The following NEK11 variants were observed in gnomAD, a reference collection of about 807,000 sequenced individuals.
The protein encoded by NEK11 is serine/threonine-protein kinase Nek11.
A neutral mutation model predicts 80.7 loss-of-function variants in NEK11; 72 were observed. The ratio of observed to expected loss-of-function variants is 0.89; its 90% CI spans 0.74 to 1.08. The LOEUF is 1.08. NEK11 is among the 50% of genes least tolerant of loss of function. The probability of loss-of-function intolerance (pLI) is 0.00; values close to 1 mark genes in which losing one functional copy is unlikely to be tolerated. For synonymous variants in NEK11, 251 were observed against 260.7 expected (o/e 0.96, Z 0.36); for missense variants, 764 against 763.6 (o/e 1.00, Z -0.01).
At chr3:131,323,543 A>G (rs1043891814) in intron 17 of NEK11, among the ~76,000 whole-genome samples, 1 of 152,158 alleles carries the variant, frequency 6.6e-6, no homozygotes, top group African/African-American at 2.4e-5. Context: ...ATTTCCGGCC[A>G]GTGTTCTATA....
rs764113303 is a variant in NEK11 at position 131,238,703 on chromosome 3, A to G, written c.1561-4733A>G. On this transcript the variant is annotated intron_variant, in intron 15 of 17. Transcript: ENST00000383366. ...AGTGCTTCACAGAGAGGGAACAGAG[A>G]GTGAGGGAAAGCTCCAGGTCATGAA... Among the ~76,000 whole-genome samples the G allele has an allele frequency of 3.9e-5, 6 of 152,250 alleles. No homozygotes were observed. The South Asian group carries it at 1.2e-3, about 32-fold the overall frequency.
intron 14 of NEK11, among the ~76,000 whole-genome samples, chr3:131,198,154 T>C (rs1288410919): frequency 6.6e-6 from 1 of 152,178 alleles, no homozygotes; most frequent in Admixed American, 6.5e-5. Context: ...TTTTGCCAGC[T>C]GAGCACTAGT....
chr3:131,202,116 C>T (rs2094256927), intron 14 of NEK11, among the ~76,000 whole-genome samples: 1 of 152,104 alleles, frequency 6.6e-6, no homozygotes, highest in South Asian at 2.1e-4. Context: ...TAGTGTGAGC[C>T]AAGGGTCCAT....
At chr3:131,094,860 G>A (rs1428688472) in intron 4 of NEK11, among the ~76,000 whole-genome samples, 13 of 152,144 alleles carry the variant, frequency 8.5e-5, no homozygotes, top group Non-Finnish European at 1.9e-4. Flanking sequence ...AGGAATTTTA[G>A]AACAGACAGC....
chr3:131,231,891 T>C (rs2095337250), intron 15 of NEK11, among the ~76,000 whole-genome samples: 1 of 152,104 alleles, frequency 6.6e-6, no homozygotes, highest in African/African-American at 2.4e-5. Flanking sequence ...AGATCAAAGT[T>C]GATTCCCCTT....
chr3:131,136,444 A>G (rs964445950), intron 7 of NEK11, among the ~76,000 whole-genome samples: 2 of 152,118 alleles, frequency 1.3e-5, no homozygotes, highest in African/African-American at 4.8e-5. Context: ...TTTATTGTGG[A>G]ATTTTTTTTT....
At chr3:131,053,640 A>T (rs1320467656) in intron 3 of NEK11, 2 of 152,226 alleles carry the variant, frequency 1.3e-5, no homozygotes, top group African/African-American at 4.8e-5. Flanking sequence ...AAGCATCTGA[A>T]GCAGCCACCG....
chr3:131,084,984 A>G (rs540545438), intron 4 of NEK11, among the ~76,000 whole-genome samples: 1 of 152,342 alleles, frequency 6.6e-6, no homozygotes, highest in South Asian at 2.1e-4. Context: ...AAAATTTGTC[A>G]TTATTGGTGG....
At chr3:131,129,497 T>G (rs1190215842) in intron 5 of NEK11, among the ~76,000 whole-genome samples, 1 of 152,272 alleles carries the variant, frequency 6.6e-6, no homozygotes, top group African/African-American at 2.4e-5. Context: ...GGATTGTGAC[T>G]TTGGTGTTAT....
rs757961308 is a variant in NEK11 at position 131,029,747 on chromosome 3, A to T, written c.39A>T (p.Gly13=). Residue 13 remains glycine (G), a synonymous_variant, in exon 3 of 18, where the codon GGA becomes GGT. Coordinates refer to ENST00000383366, the MANE Select transcript of NEK11 (RefSeq NM_024800.5). ...KFQEAAKCVS[G]STAISTYPKT... The stretch of plus-strand genomic sequence containing the variant: ...AAGAGGCAGCTAAGTGTGTGAGTGG[A>T]TCAACAGCCATTTCCACTTATCCAA... 1.9e-6 allele frequency: 3 copies of T among 1,614,208 alleles called. No individual in the cohort carries two copies. The highest frequency in any genetic ancestry group is 2.5e-6 in the Non-Finnish European group (3 of 1,180,018).
At chr3:131,268,754 C>G (rs760306289) in intron 16 of NEK11, among the ~76,000 whole-genome samples, 29 of 152,218 alleles carry the variant, frequency 1.9e-4, no homozygotes, top group Non-Finnish European at 4.0e-4. Context: ...GTCAGGGACC[C>G]ACTTAAGGAG....
At chr3:131,075,110 TA>T (rs1238200600) in intron 3 of NEK11, among the ~76,000 whole-genome samples, 2 of 152,170 alleles carry the variant, frequency 1.3e-5, no homozygotes, top group African/African-American at 4.8e-5. Context: ...GATGCCCCTT[TA>T]ACCCCTGCTG....
At chr3:131,165,627 T>C (rs1338652277) in intron 12 of NEK11, 108 bp downstream of exon 12, 1 of 676,754 alleles carries the variant, frequency 1.5e-6, no homozygotes, top group African/African-American at 1.8e-5. Context: ...AACATCCAGA[T>C]TAACTTCACC....
intron 16 of NEK11, among the ~76,000 whole-genome samples, chr3:131,263,708 A>G (rs1450125002): frequency 1.3e-5 from 2 of 152,200 alleles, no homozygotes; most frequent in East Asian, 3.8e-4. Context: ...AGCATGATTT[A>G]TAATCCTTTG....
chr3:131,265,805 G>T (rs1192756883), intron 16 of NEK11, among the ~76,000 whole-genome samples: 1 of 152,172 alleles, frequency 6.6e-6, no homozygotes, highest in African/African-American at 2.4e-5. Flanking sequence ...GCTCTTCTTT[G>T]TACCTCTGGT....
chr3:131,055,266 G>A (rs371172513), intron 3 of NEK11, among the ~76,000 whole-genome samples: 2 of 152,204 alleles, frequency 1.3e-5, no homozygotes, highest in Admixed American at 6.5e-5. Flanking sequence ...CAATGTGAAT[G>A]TCTTCATTCA....
At chr3:131,303,330 A>G (rs1331040716) in intron 17 of NEK11, among the ~76,000 whole-genome samples, 1 of 152,132 alleles carries the variant, frequency 6.6e-6, no homozygotes. Flanking sequence ...TTTACATTCA[A>G]GGTTAATATT....
intron 17 of NEK11, among the ~76,000 whole-genome samples, chr3:131,348,464 G>C (rs2097400109): frequency 1.3e-5 from 2 of 151,886 alleles, no homozygotes; most frequent in South Asian, 4.2e-4. Context: ...AGATAGGGGA[G>C]GTAGGTCAAA....
chr3:131,034,106 A>G (rs1216863709), intron 3 of NEK11, among the ~76,000 whole-genome samples: 1 of 152,206 alleles, frequency 6.6e-6, no homozygotes, highest in Non-Finnish European at 1.5e-5. Flanking sequence ...ATCAAACCCA[A>G]AAGATTTGAT....
Sources: gnomAD v4.1 joint callset for allele counts (sites outside exome capture counted in the v4.1 genomes callset) on GRCh38, gnomAD v4.1.1 for gene constraint, MANE v1.5 for transcripts, NCBI Gene and HGNC (gene_info 2026-07-23, HGNC 2026-07-21) for gene names.